TMEM150C: variants seen among roughly 807,000 people sequenced by gnomAD.
The protein encoded by TMEM150C is tentonin 3.
In TMEM150C, 10 loss-of-function variants were observed where a neutral mutation model predicts 29.9. The ratio of observed to expected loss-of-function variants is 0.33; its 90% CI spans 0.21 to 0.57. The LOEUF (loss-of-function observed/expected upper bound fraction) is 0.57, where lower values mean the gene tolerates loss of function less well. Ranked by LOEUF, TMEM150C falls within the 20% of genes least tolerant of loss-of-function variation. The probability of loss-of-function intolerance (pLI) is 0.88; values close to 1 mark genes in which losing one functional copy is unlikely to be tolerated. For synonymous variants in TMEM150C, 101 were observed against 112.5 expected, an observed-to-expected ratio of 0.90 and a Z score of 0.64; for missense variants, 251 against 303.6, an observed-to-expected ratio of 0.83 and a Z score of 1.29.
intron 1 of TMEM150C, among the ~76,000 whole-genome samples, chr4:82,538,338 A>G (rs1056732773): frequency 1.3e-5 from 2 of 152,208 alleles, no homozygotes; most frequent in African/African-American, 2.4e-5. Flanking sequence ...GATTACAGGC[A>G]TGAGCCGCCG....
At chr4:82,524,128 CGTG>C (rs1724578185) in intron 1 of TMEM150C, among the ~76,000 whole-genome samples, 1 of 149,344 alleles carries the variant, frequency 6.7e-6, no homozygotes, top group Non-Finnish European at 1.5e-5. Context: ...GTTAGCAGGG[CGTG>C]GTGGTGGGTG....
At chr4:82,513,124 C>G (rs112892992) in intron 1 of TMEM150C, among the ~76,000 whole-genome samples, 1 of 152,220 alleles carries the variant, frequency 6.6e-6, no homozygotes, top group African/African-American at 2.4e-5. Flanking sequence ...GGGTCCTTGA[C>G]CCCCGTGCCT....
intron 6 of TMEM150C, chr4:82,495,526 TTCTC>T (rs1350697799): frequency 3.1e-5 from 11 of 358,590 alleles, no homozygotes; most frequent in Non-Finnish European, 5.0e-5. Context: ...AGGTATAGCC[TTCTC>T]TCTTTTTTTT....
intron 1 of TMEM150C, among the ~76,000 whole-genome samples, chr4:82,516,511 A>G (rs1408013348): frequency 1.3e-5 from 2 of 152,220 alleles, no homozygotes; most frequent in Non-Finnish European, 2.9e-5. Flanking sequence ...TGGGGATCAT[A>G]ATAGTACCTA....
chr4:82,540,817 C>G (rs1381776358), intron 1 of TMEM150C, among the ~76,000 whole-genome samples: 2 of 152,106 alleles, frequency 1.3e-5, no homozygotes, highest in East Asian at 1.9e-4. Flanking sequence ...ATCCCACATA[C>G]TTATTTTTCT....
At chr4:82,528,629 GT>G (rs1246228467) in intron 1 of TMEM150C, among the ~76,000 whole-genome samples, 1 of 141,768 alleles carries the variant, frequency 7.1e-6, no homozygotes, top group East Asian at 2.0e-4. Context: ...TTTAGATGGA[GT>G]CTCTGTCACC....
intron 6 of TMEM150C, among the ~76,000 whole-genome samples, chr4:82,493,766 A>G (rs529260295): frequency 5.8e-4 from 89 of 152,240 alleles, no homozygotes; most frequent in Non-Finnish European, 1.1e-3. Flanking sequence ...AAAATGCCCC[A>G]TGCCTTACAT....
intron 1 of TMEM150C, among the ~76,000 whole-genome samples, chr4:82,519,078 A>T (rs1364815719): frequency 1.3e-5 from 2 of 152,162 alleles, no homozygotes; most frequent in Non-Finnish European, 2.9e-5. Context: ...AACTGCTTTG[A>T]TTTGGAGGAC....
At chr4:82,561,133 T>C (rs1725908570) in intron 1 of TMEM150C, among the ~76,000 whole-genome samples, 1 of 152,128 alleles carries the variant, frequency 6.6e-6, no homozygotes, top group African/African-American at 2.4e-5. Context: ...GAATTTAAAA[T>C]GGGAAAACCC....
intron 1 of TMEM150C, among the ~76,000 whole-genome samples, chr4:82,537,959 G>T (rs1011904855): frequency 3.9e-5 from 6 of 152,104 alleles, no homozygotes; most frequent in Non-Finnish European, 8.8e-5. Flanking sequence ...CAAAGTCTGT[G>T]GTAATTTGTT....
At chr4:82,529,193 C>T (rs1485838665) in intron 1 of TMEM150C, among the ~76,000 whole-genome samples, 3 of 152,194 alleles carry the variant, frequency 2.0e-5, no homozygotes, top group East Asian at 1.9e-4. Flanking sequence ...GGAATGGGAA[C>T]GATCAGAGAA....
intron 1 of TMEM150C, among the ~76,000 whole-genome samples, chr4:82,560,840 A>C (rs1281765358): frequency 6.6e-6 from 1 of 152,230 alleles, no homozygotes; most frequent in East Asian, 1.9e-4. Flanking sequence ...TTATTGTTTT[A>C]GATCCAATAA....
chr4:82,561,123 G>T (rs1284503773), intron 1 of TMEM150C, among the ~76,000 whole-genome samples: 1 of 152,184 alleles, frequency 6.6e-6, no homozygotes, highest in African/African-American at 2.4e-5. Flanking sequence ...AAAGGAGCAT[G>T]AATTTAAAAT....
rs1723976313 is a variant in TMEM150C at position 82,507,723 on chromosome 4, CTCTCTTTTTTTTTTTT to C, written c.-10-3072_-10-3057del. 5.0e-4 allele frequency among the ~76,000 whole-genome samples: 43 copies of C among 86,052 alleles called. 5 individuals are homozygous for C. Among genetic ancestry groups the C allele is most frequent in the Non-Finnish European group, 3.2e-4 (14 of 44,288 alleles). 56.5% of individuals were successfully genotyped at this position (86,052 alleles called of 152,430 possible). ...TATATTAAATTAACTCTCTCTCTCT[CTCTCTTTTTTTTTTTT>C]TTTTTTTTTTTTTTTTTTTTTTTTT... is the stretch of plus-strand genomic sequence containing the variant. On this transcript the variant is annotated intron_variant, in intron 1 of 7. Transcript: ENST00000449862.
At chr4:82,492,860 T>TTA (rs1723408883) in intron 6 of TMEM150C, among the ~76,000 whole-genome samples, 1 of 61,304 alleles carries the variant, frequency 1.6e-5, no homozygotes, top group Non-Finnish European at 3.0e-5. Flanking sequence ...GCGTATATGT[T>TTA]TGTGTATATA....
intron 1 of TMEM150C, among the ~76,000 whole-genome samples, chr4:82,525,436 T>C (rs1451222292): frequency 6.6e-6 from 1 of 152,024 alleles, no homozygotes; most frequent in Admixed American, 6.6e-5. Flanking sequence ...AACCAGAAAA[T>C]CTAATTAACG....
At chr4:82,492,211 C>G (rs1477594443) in intron 6 of TMEM150C, among the ~76,000 whole-genome samples, 3 of 152,152 alleles carry the variant, frequency 2.0e-5, no homozygotes, top group Non-Finnish European at 2.9e-5. Flanking sequence ...TCACTGCAAC[C>G]TCAGACTCCT....
At chr4:82,498,072 T>G (rs569820225) in intron 5 of TMEM150C, among the ~76,000 whole-genome samples, 101 of 152,094 alleles carry the variant, frequency 6.6e-4, no homozygotes, top group African/African-American at 2.3e-3. Flanking sequence ...TGGAGTGCAG[T>G]GACATAATCT....
In TMEM150C at chr4:82,503,091, A is replaced by T. The variant is rs202242587; in HGVS notation, c.102T>A (p.Asp34Glu). The change falls in exon 3 of 8, where the codon GAT becomes GAA. Residue 34 changes from aspartate to glutamate, a missense_variant. Physicochemically the swap from Asp to Glu is conservative, Grantham distance 45. Coordinates refer to ENST00000449862, the MANE Select transcript of TMEM150C (RefSeq NM_001080506.3). ...CTGAATTTAATGGTAAAATTTTGTC[A>T]TCTTCCACAGCTATGAAGTATCTAT... ...LWIVYFIAVE[D>E]DKILPLNSAE... The T allele has an allele frequency of 1.2e-6, 2 of 1,610,818 alleles. No homozygotes were observed. Among genetic ancestry groups the T allele is most frequent in the Non-Finnish European group, 1.7e-6 (2 of 1,177,988 alleles).
Sources: gnomAD v4.1 joint callset for allele counts (sites outside exome capture counted in the v4.1 genomes callset) on GRCh38, gnomAD v4.1.1 for gene constraint, MANE v1.5 for transcripts, NCBI Gene and HGNC (gene_info 2026-07-23, HGNC 2026-07-21) for gene names.